USP9X: variants seen among roughly 807,000 people sequenced by gnomAD.
USP9X encodes ubiquitin carboxyl-terminal hydrolase 9X.
Under a neutral mutation model 190.3 loss-of-function variants are expected in USP9X, and 7 were observed. The observed-to-expected ratio is 0.04, with a 90% CI of 0.02 to 0.07. USP9X has a LOEUF of 0.07. Among genes scored for constraint, USP9X ranks in the 10% least tolerant of loss-of-function variants. The pLI is 1.00. For missense variants in USP9X, 1,010 were observed against 1,916.9 expected (o/e 0.53, Z 8.83); for synonymous variants, 645 against 659.5 (o/e 0.98, Z 0.34).
chrX:41,175,783 A>ACACACACACACC (rs2062769440), intron 21 of USP9X, among the ~76,000 whole-genome samples: 1 of 111,407 alleles, frequency 9.0e-6, no homozygotes, highest in African/African-American at 3.3e-5. Context: ...ACACACACAC[A>ACACACACACACC]CATGAATATA....
At position 41,118,643 on chromosome X, in the gene USP9X, C is replaced by T. The variant is rs375133451; in HGVS notation, c.-158-4828C>T. Among the ~76,000 whole-genome samples, 43 of 111,406 alleles carry T rather than the reference C, an allele frequency of 3.9e-4. No individual in the cohort carries two copies. In the East Asian group the frequency reaches 0.011, roughly 29 times the overall value. On this transcript the variant is annotated intron_variant, in intron 1 of 44. Coordinates refer to ENST00000378308, the MANE Select transcript of USP9X (RefSeq NM_001039591.3). ...ATATATAGTCGCTAACCTCATCACT[C>T]TCAGGAGGAGATGGTAGGGAGTGGA...
chrX:41,212,310 G>A (rs1311718257), intron 33 of USP9X, among the ~76,000 whole-genome samples: 2 of 107,365 alleles, frequency 1.9e-5, no homozygotes, highest in African/African-American at 6.7e-5. Flanking sequence ...AAGTACCCAG[G>A]GACACAAACA....
chrX:41,093,425 A>G (rs1380542607), intron 1 of USP9X, among the ~76,000 whole-genome samples: 7 of 111,559 alleles, frequency 6.3e-5, no homozygotes, highest in African/African-American at 2.3e-4. Flanking sequence ...GCTCACCACA[A>G]CCTCCGCCTC....
chrX:41,158,465 C>G (rs2062598961), intron 14 of USP9X, among the ~76,000 whole-genome samples: 1 of 110,807 alleles, frequency 9.0e-6, no homozygotes. Flanking sequence ...ACATGACAAC[C>G]AAGAATTTTA....
intron 44 of USP9X, 139 bp from the exon 45 acceptor site, chrX:41,232,248 G>GTTTTT: frequency 1.0e-5 from 3 of 297,608 alleles, no homozygotes; most frequent in South Asian, 1.1e-4. Context: ...TTTTTGTTTT[G>GTTTTT]CACTATAGTA....
intron 1 of USP9X, among the ~76,000 whole-genome samples, chrX:41,101,543 TG>T (rs1304685382): frequency 9.9e-5 from 11 of 111,415 alleles, no homozygotes; most frequent in African/African-American, 3.6e-4. Context: ...CTCCACCTCC[TG>T]GGTTCAAACA....
chrX:41,182,940 T>G (rs982518337), intron 21 of USP9X, among the ~76,000 whole-genome samples: 1 of 107,533 alleles, frequency 9.3e-6, no homozygotes, highest in Non-Finnish European at 1.9e-5. Context: ...AATCATAGTT[T>G]TTTTTTTTTT....
At chrX:41,159,537 T>C (rs868487539) in intron 14 of USP9X, among the ~76,000 whole-genome samples, 1 of 110,151 alleles carries the variant, frequency 9.1e-6, no homozygotes, top group Admixed American at 9.7e-5. Flanking sequence ...TTTTTTTTTT[T>C]CTTTTTTTTT....
chrX:41,184,942 A>G (rs1219398157), intron 23 of USP9X, among the ~76,000 whole-genome samples: 2 of 112,180 alleles, frequency 1.8e-5, no homozygotes. Context: ...TGAATCTCTT[A>G]TTAACTTGTG....
chrX:41,086,227 C>T, intron 1 of USP9X, 118 bp downstream of exon 1: 1 of 281,984 alleles, frequency 3.5e-6, no homozygotes, highest in Non-Finnish European at 6.2e-6. Context: ...TCGGCGGCTG[C>T]CGGCCAGGCT....
chrX:41,214,825 T>A, intron 34 of USP9X, 116 bp downstream of exon 34: 1 of 796,197 alleles, frequency 1.3e-6, no homozygotes, highest in Non-Finnish European at 1.8e-6. Flanking sequence ...TACTTTGGTA[T>A]AGTGGTAGCA....
At chrX:41,133,697 C>A (rs1320867843) in intron 4 of USP9X, among the ~76,000 whole-genome samples, 1 of 112,036 alleles carries the variant, frequency 8.9e-6, no homozygotes, top group Non-Finnish European at 1.9e-5. Context: ...TGATGTTTGT[C>A]TTTCTGTGCT....
chrX:41,128,935 G>A lies in USP9X; in HGVS notation c.97-65G>A, dbSNP rs73480411. On this transcript the variant is annotated intron_variant, in intron 2 of 44. Transcript: ENST00000378308. Reference sequence around the variant, plus strand: ...ATCTGCAATGCTTGTCTATGTTGGTGTTTGGATTACTATTTTACATATGTT... The same window carrying A: ...ATCTGCAATGCTTGTCTATGTTGGTATTTGGATTACTATTTTACATATGTT... 1.6e-4 allele frequency: 183 copies of A among 1,119,489 alleles called. No individual in the cohort carries two copies. In the African/African-American group the frequency reaches 3.2e-3, roughly 19 times the overall value. The allele number at this position is 1,119,489 out of a possible 1,213,427, so 92.3% of individuals were successfully genotyped here.
chrX:41,198,600 G>A lies in USP9X; in HGVS notation c.4453G>A (p.Ala1485Thr). 8.3e-7 allele frequency: 1 copy of A among 1,211,516 alleles called. No homozygotes were observed. Among genetic ancestry groups the A allele is most frequent in the Non-Finnish European group, 1.1e-6 (1 of 895,358 alleles). The change falls in exon 30 of 45, where the codon GCT becomes ACT. Residue 1485 changes from alanine (A) to threonine (T), a missense_variant. This residue lies in a region of USP9X where 351 missense variants were observed against 480.8 expected (regional missense o/e 0.73). Transcript: ENST00000378308. ...LQYMRNGELP[A>T]EQAIPVCGSP... ...GTATATGAGAAATGGAGAGCTTCCA[G>A]CTGAACAGGCTATTCCGGTCTGTGG...
rs761405523 is a variant in USP9X, at chrX:41,139,458, C to G, written c.655-1198C>G. Among the ~76,000 whole-genome samples the G allele has an allele frequency of 2.1e-3, 240 of 112,189 alleles. 2 individuals carry two copies. The highest frequency in any genetic ancestry group is 2.9e-3 in the Non-Finnish European group (155 of 53,182). ...GGTGGATCACCTGAAGTCAGGAGTT[C>G]AAGACCAGCTTGGCCAACATGGTGA... On this transcript the variant is annotated intron_variant, in intron 6 of 44. Coordinates refer to ENST00000378308, the MANE Select transcript of USP9X (RefSeq NM_001039591.3).
At chrX:41,199,685 T>G (rs959640441) in intron 30 of USP9X, among the ~76,000 whole-genome samples, 1 of 111,810 alleles carries the variant, frequency 8.9e-6, no homozygotes, top group Non-Finnish European at 1.9e-5. Context: ...TGCCTCGGCC[T>G]CCCAAAGTGC....
At chrX:41,187,113 A>G (rs1369086664) in intron 24 of USP9X, among the ~76,000 whole-genome samples, 1 of 111,757 alleles carries the variant, frequency 8.9e-6, no homozygotes, top group Non-Finnish European at 1.9e-5. Flanking sequence ...GATTACAGGC[A>G]TGAGCCACCA....
chrX:41,219,813 CT>C (rs1458260072), intron 38 of USP9X, among the ~76,000 whole-genome samples: 1 of 111,742 alleles, frequency 8.9e-6, no homozygotes, highest in Non-Finnish European at 1.9e-5. Flanking sequence ...GAGACCCTAT[CT>C]CTACAAAATA....
chrX:41,098,702 C>T (rs912147082), intron 1 of USP9X, among the ~76,000 whole-genome samples: 1 of 108,550 alleles, frequency 9.2e-6, no homozygotes, highest in African/African-American at 3.4e-5. Context: ...ATTACAGGCG[C>T]CTGCCACCAC....
Sources: allele counts gnomAD v4.1 joint callset (sites outside exome capture counted in the v4.1 genomes callset), GRCh38; gene constraint gnomAD v4.1.1; regional missense constraint gnomAD v4.1.1; transcripts MANE v1.5; gene names NCBI Gene and HGNC (gene_info 2026-07-23, HGNC 2026-07-21).